Variants in MUC22 observed in about 807,000 individuals in gnomAD.
The protein encoded by MUC22 is mucin 22.
A neutral mutation model predicts 40.3 loss-of-function variants in MUC22; 24 were observed. That is an observed-to-expected ratio of 0.60 (90% CI 0.43 to 0.84). The LOEUF (loss-of-function observed/expected upper bound fraction) is 0.84. Ranked by LOEUF, MUC22 falls within the 40% of genes least tolerant of loss-of-function variation. The probability of loss-of-function intolerance (pLI) is 0.00; values close to 1 mark genes in which losing one functional copy is unlikely to be tolerated. For missense variants in MUC22, 1,926 were observed against 2,130.7 expected (o/e 0.90, Z 1.89); for synonymous variants, 765 against 844.5 (o/e 0.91, Z 1.63).
chr6:31,014,617 T>C (rs1239427606), intron 1 of MUC22, among the ~76,000 whole-genome samples: 18 of 152,228 alleles, frequency 1.2e-4, no homozygotes, highest in Admixed American at 1.1e-3. Flanking sequence ...AGGGTAATGC[T>C]AAGCTGCTGT....
chr6:31,035,279 T>C (rs927869776), exon 4 of MUC22: 2 of 302,180 alleles, frequency 6.6e-6, no homozygotes, highest in Non-Finnish European at 1.2e-5. Context: ...GGACATCTTC[T>C]CTCCCATTTC....
rs543938619 is a variant in MUC22, at chr6:31,029,141, C to T, written c.3710C>T (p.Thr1237Ile). Residue 1237 changes from threonine to isoleucine, a missense_variant, in exon 2 of 4, where the codon ACA becomes ATA. Thr to Ile is a moderately conservative substitution (Grantham distance 89). This residue lies in a region of MUC22 where 610 missense variants were observed against 714.6 expected (regional missense o/e 0.85). Coordinates refer to ENST00000561890, the Ensembl canonical transcript of MUC22. ...TCTACTGCAGGCTCAGAGACCACCA[C>T]AGTCTCTACTGCAGGCTCTGAGACC... 5.7e-5 allele frequency: 87 copies of T among 1,534,920 alleles called. 1 individual carries two copies. In the South Asian group the frequency reaches 9.0e-4, roughly 16 times the overall value.
At chr6:31,027,350 C>A in exon 2 of MUC22, 1 of 1,533,334 alleles carries the variant, frequency 6.5e-7, no homozygotes, top group Non-Finnish European at 8.7e-7. Flanking sequence ...ACAGCTTCCA[C>A]TGAAGGCTCT....
intron 1 of MUC22, among the ~76,000 whole-genome samples, chr6:31,023,091 C>T (rs1765001165): frequency 6.6e-6 from 1 of 151,676 alleles, no homozygotes; most frequent in Admixed American, 6.6e-5. Flanking sequence ...GATCCCATCA[C>T]TGCACTCCAG....
intron 2 of MUC22, among the ~76,000 whole-genome samples, chr6:31,030,473 C>T (rs1313053040): frequency 6.7e-6 from 1 of 150,330 alleles, no homozygotes; most frequent in Non-Finnish European, 1.5e-5. Context: ...GCAGAGATCG[C>T]GCCATTGCAT....
rs750307145 is a variant in MUC22, at chr6:31,028,331, C to T, written c.2900C>T (p.Thr967Ile). Residue 967 changes from threonine (T) to isoleucine (I), a missense_variant, in exon 2 of 4, where the codon ACT becomes ATT. Transcript: ENST00000561890. ...ACCACAGGTTCAGAGACCACCACCA[C>T]TTCTACTGAAGGCTCTGAGATTACT... 80 of 1,533,226 alleles carry T rather than the reference C, an allele frequency of 5.2e-5. No homozygotes were observed. Among genetic ancestry groups the T allele is most frequent in the East Asian group, 3.4e-4 (14 of 40,708 alleles). The allele number at this position is 1,533,226 out of a possible 1,614,324, so 95.0% of individuals were successfully genotyped here. A position where few individuals can be genotyped will look rare whatever the true frequency, so the allele number is the denominator to read the frequency against.
At position 31,035,110 on chromosome 6, in the gene MUC22, A is replaced by T. The variant is rs1766361173; in HGVS notation, c.*172A>T. ...AATGGAGCATAGGAAGCTTCCCAGG[A>T]TGTGATCCATGGAGATGGACATGGA... is the stretch of plus-strand genomic sequence containing the variant. On this transcript the variant is annotated 3_prime_UTR_variant, in exon 4 of 4. Coordinates refer to ENST00000561890, the Ensembl canonical transcript of MUC22. The T allele has an allele frequency of 4.2e-6, 3 of 712,272 alleles. No individual in the cohort carries two copies. In the South Asian group the frequency reaches 6.0e-5, roughly 14 times the overall value. 44.1% of individuals were successfully genotyped at this position (712,272 alleles called of 1,614,324 possible).
At chr6:31,031,237 C>G (rs1174123417) in intron 2 of MUC22, among the ~76,000 whole-genome samples, 1 of 152,180 alleles carries the variant, frequency 6.6e-6, no homozygotes, top group Admixed American at 6.5e-5. Context: ...TGTCTGAGCC[C>G]ACCCTCTCCT....
At chr6:31,026,544 C>G (rs1375231055) in exon 2 of MUC22, 1 of 1,498,282 alleles carries the variant, frequency 6.7e-7, no homozygotes, top group African/African-American at 1.4e-5. Flanking sequence ...TGGTCTCTGC[C>G]ATGGGCTCAG....
exon 2 of MUC22, chr6:31,025,827 C>T: frequency 6.5e-7 from 1 of 1,533,394 alleles, no homozygotes; most frequent in Non-Finnish European, 8.7e-7. Context: ...TGGCCTCCAC[C>T]ACAGTCTCTG....
At chr6:31,027,708 T>C (rs1765554145) in exon 2 of MUC22, 2 of 1,532,468 alleles carry the variant, frequency 1.3e-6, no homozygotes, top group Non-Finnish European at 8.7e-7. Flanking sequence ...CCACAGCCTC[T>C]ACTGAAGGCT....
chr6:31,029,771 C>G, exon 2 of MUC22: 2 of 1,534,944 alleles, frequency 1.3e-6, no homozygotes, highest in Non-Finnish European at 1.7e-6. Context: ...GAGACCACCA[C>G]AGCCTCCACT....
intron 1 of MUC22, among the ~76,000 whole-genome samples, chr6:31,012,870 CT>C (rs1763949022): frequency 6.6e-6 from 1 of 152,144 alleles, no homozygotes; most frequent in Admixed American, 6.5e-5. Flanking sequence ...TTCTTGGGTC[CT>C]TTCCATCAGC....
At chr6:31,021,061 C>A (rs1365542057) in intron 1 of MUC22, among the ~76,000 whole-genome samples, 1 of 152,250 alleles carries the variant, frequency 6.6e-6, no homozygotes, top group Non-Finnish European at 1.5e-5. Context: ...GCCCCCTGCT[C>A]CAGGGCGCCC....
chr6:31,029,404 A>T, exon 2 of MUC22: 5 of 1,534,254 alleles, frequency 3.3e-6, no homozygotes, highest in Non-Finnish European at 4.4e-6. Context: ...GGGCTCTGAG[A>T]CCACCACAGC....
intron 1 of MUC22, among the ~76,000 whole-genome samples, chr6:31,018,150 T>G (rs1175654757): frequency 6.6e-6 from 1 of 152,248 alleles, no homozygotes; most frequent in African/African-American, 2.4e-5. Context: ...ACACTTTCAC[T>G]CCTGCCTTCA....
At chr6:31,025,189 T>A (rs1213293778) in intron 1 of MUC22, among the ~76,000 whole-genome samples, 2 of 152,166 alleles carry the variant, frequency 1.3e-5, no homozygotes, top group Non-Finnish European at 2.9e-5. Flanking sequence ...AGTTCATATG[T>A]CAGTTCCTCA....
At chr6:31,030,018 C>A (rs747901439) in exon 2 of MUC22, 7 of 1,535,706 alleles carry the variant, frequency 4.6e-6, no homozygotes, top group Non-Finnish European at 6.1e-6. Context: ...CTGCAGCCTC[C>A]ACCACTGTCT....
chr6:31,018,170 G>C (rs1287726471), intron 1 of MUC22, among the ~76,000 whole-genome samples: 1 of 152,226 alleles, frequency 6.6e-6, no homozygotes, highest in Non-Finnish European at 1.5e-5. Context: ...AGCAGTGCCT[G>C]GGATTACTGA....
Sources: gnomAD v4.1 joint callset for allele counts (sites outside exome capture counted in the v4.1 genomes callset) on GRCh38, gnomAD v4.1.1 for gene constraint, gnomAD v4.1.1 regional missense constraint, MANE v1.5 for transcripts, NCBI Gene and HGNC (gene_info 2026-07-23, HGNC 2026-07-21) for gene names.